The following SEM1 variants were observed in gnomAD, a reference collection of about 807,000 sequenced individuals.
SEM1 encodes SEM1 26S proteasome subunit, also known as 26S proteasome complex subunit SEM1.
Under a neutral mutation model 12.7 loss-of-function variants are expected in SEM1, and 3 were observed. The observed-to-expected ratio is 0.24, with a 90% CI of 0.11 to 0.61. The LOEUF (loss-of-function observed/expected upper bound fraction) is 0.61. Ranked by LOEUF, SEM1 falls within the 20% of genes least tolerant of loss-of-function variation. The probability of loss-of-function intolerance (pLI) is 0.88; values close to 1 mark genes in which losing one functional copy is unlikely to be tolerated. For synonymous variants in SEM1, 30 were observed against 27.8 expected, an observed-to-expected ratio of 1.08 and a Z score of -0.25; for missense variants, 59 against 81.3, an observed-to-expected ratio of 0.73 and a Z score of 1.06.
intron 1 of SEM1, among the ~76,000 whole-genome samples, chr7:96,489,330 T>TTAAG (rs1415688844): frequency 6.6e-6 from 1 of 152,128 alleles, no homozygotes; most frequent in Non-Finnish European, 1.5e-5. Flanking sequence ...GGAGTGCTTG[T>TTAAG]TAAGCTACGA....
upstream of SEM1, among the ~76,000 whole-genome samples, chr7:96,500,116 T>C (rs975046614): frequency 6.6e-6 from 1 of 152,102 alleles, no homozygotes; most frequent in Non-Finnish European, 1.5e-5. Flanking sequence ...CCTTTGCAAA[T>C]AGGAGTTTAA....
At chr7:96,525,664 T>C (rs1379338360) in intron 2 of SEM1, among the ~76,000 whole-genome samples, 1 of 151,848 alleles carries the variant, frequency 6.6e-6, no homozygotes, top group Non-Finnish European at 1.5e-5. Context: ...AAAGCAGGGG[T>C]CTCCACCCCT....
At chr7:96,550,073 A>G (rs779366288) in intron 2 of SEM1, among the ~76,000 whole-genome samples, 18 of 152,128 alleles carry the variant, frequency 1.2e-4, no homozygotes, top group African/African-American at 3.6e-4. Context: ...ATAAATGTCT[A>G]GGGTTTAAAT....
At chr7:96,571,386 T>C (rs745437805) in intron 2 of SEM1, among the ~76,000 whole-genome samples, 1 of 152,068 alleles carries the variant, frequency 6.6e-6, no homozygotes, top group Non-Finnish European at 1.5e-5. Flanking sequence ...TTGTATAATG[T>C]GTATGGAAGG....
chr7:96,628,888 G>A (rs774230094), intron 2 of SEM1, among the ~76,000 whole-genome samples: 46 of 152,080 alleles, frequency 3.0e-4, no homozygotes, highest in Admixed American at 5.9e-4. Context: ...TTTCCTTCAC[G>A]TTTGAAGAAT....
At chr7:96,552,764 C>T (rs554501685) in intron 2 of SEM1, among the ~76,000 whole-genome samples, 25 of 152,178 alleles carry the variant, frequency 1.6e-4, no homozygotes, top group African/African-American at 2.4e-4. Flanking sequence ...CCTGAGGAAT[C>T]GCCACACTGA....
At chr7:96,599,696 C>G (rs1807134306) in intron 2 of SEM1, among the ~76,000 whole-genome samples, 1 of 152,156 alleles carries the variant, frequency 6.6e-6, no homozygotes, top group South Asian at 2.1e-4. Context: ...CTAGCAGATT[C>G]CCTTCCTGCC....
At chr7:96,654,247 G>A (rs756205913) in intron 2 of SEM1, among the ~76,000 whole-genome samples, 1 of 152,192 alleles carries the variant, frequency 6.6e-6, no homozygotes, top group Non-Finnish European at 1.5e-5. Flanking sequence ...TCTACAACAT[G>A]AGAGTCCAGG....
chr7:96,600,782 T>C lies in SEM1; in HGVS notation c.170+94016A>G, dbSNP rs144682717. On this transcript the variant is annotated intron_variant and NMD_transcript_variant, in intron 2 of 3. Transcript: ENST00000466986. The stretch of plus-strand genomic sequence containing the variant: ...GTAGGCAAGTATTACAGTGGGCACA[T>C]TGCATTCTTCCTGGATGTCTCCCTC... 3.9e-3 allele frequency among the ~76,000 whole-genome samples: 592 copies of C among 152,292 alleles called. 3 individuals are homozygous for C. Among genetic ancestry groups the C allele is most frequent in the African/African-American group, 0.013 (559 of 41,568 alleles).
chr7:96,517,473 A>G (rs181774279), intron 2 of SEM1, among the ~76,000 whole-genome samples: 36 of 152,280 alleles, frequency 2.4e-4, no homozygotes, highest in Non-Finnish European at 5.9e-5. Flanking sequence ...CAACATATGT[A>G]TAGTTGAACT....
At chr7:96,524,508 TATAAATCA>T (rs1804386791) in intron 2 of SEM1, among the ~76,000 whole-genome samples, 1 of 152,090 alleles carries the variant, frequency 6.6e-6, no homozygotes, top group South Asian at 2.1e-4. Context: ...ATGCCACAGG[TATAAATCA>T]GTGCTGTCCA....
chr7:96,548,932 A>G (rs919790435), intron 2 of SEM1, among the ~76,000 whole-genome samples: 1 of 152,168 alleles, frequency 6.6e-6, no homozygotes, highest in Admixed American at 6.5e-5. Context: ...CTGGGGCAAG[A>G]GGTGAGGCAG....
Position 96,556,884 on chromosome 7 carries a change from T to G in SEM1, c.171-50186A>C, listed in dbSNP as rs565320715. ...GTCCCATATTTCTTGGAGGCTTTGCTCATTTCTTTTTATTCTTTTTTCTCT... is the reference window on the plus strand; with the variant it reads ...GTCCCATATTTCTTGGAGGCTTTGCGCATTTCTTTTTATTCTTTTTTCTCT... On this transcript the variant is annotated intron_variant and NMD_transcript_variant, in intron 2 of 3. Coordinates refer to the SEM1 transcript ENST00000466986. Among the ~76,000 whole-genome samples the G allele has an allele frequency of 2.6e-3, 360 of 136,730 alleles. 2 individuals carry two copies. Among genetic ancestry groups the G allele is most frequent in the Non-Finnish European group, 9.3e-4 (59 of 63,446 alleles). The allele number at this position is 136,730 out of a possible 152,430, so 89.7% of individuals were successfully genotyped here.
At chr7:96,580,940 G>C (rs1054790465) in intron 2 of SEM1, among the ~76,000 whole-genome samples, 15 of 152,040 alleles carry the variant, frequency 9.9e-5, no homozygotes, top group African/African-American at 3.6e-4. Flanking sequence ...TCTGATGGTA[G>C]TTTCTTTTGC....
chr7:96,568,458 T>G (rs10156156), intron 2 of SEM1, among the ~76,000 whole-genome samples: 1 of 151,750 alleles, frequency 6.6e-6, no homozygotes, highest in African/African-American at 2.4e-5. Flanking sequence ...TGTAGCTATT[T>G]AGGAATTTCA....
chr7:96,667,588 G>C (rs1197792406), intron 2 of SEM1, among the ~76,000 whole-genome samples: 1 of 152,026 alleles, frequency 6.6e-6, no homozygotes, highest in South Asian at 2.1e-4. Context: ...GAATGTCACC[G>C]CTGGAGGTTC....
intron 2 of SEM1, among the ~76,000 whole-genome samples, chr7:96,517,512 C>T (rs1053604242): frequency 7.2e-5 from 11 of 152,010 alleles, no homozygotes; most frequent in African/African-American, 1.9e-4. Context: ...CTTTATCTTT[C>T]GGGTTAGATA....
intron 2 of SEM1, among the ~76,000 whole-genome samples, chr7:96,509,522 T>C (rs1803865786): frequency 6.6e-6 from 1 of 152,142 alleles, no homozygotes; most frequent in East Asian, 1.9e-4. Context: ...CAGCTTGTGC[T>C]TCTCCAAATG....
rs527377009 is a variant in SEM1, at chr7:96,483,437, T to G, written c.*422A>C. 20 of 193,156 alleles carry G rather than the reference T, an allele frequency of 1.0e-4. No homozygotes were observed. In the South Asian group the frequency reaches 1.7e-3, roughly 17 times the overall value. The allele number at this position is 193,156 out of a possible 1,614,324, so 12.0% of individuals were successfully genotyped here. A position where few individuals can be genotyped will look rare whatever the true frequency, so the allele number is the denominator to read the frequency against. On this transcript the variant is annotated 3_prime_UTR_variant, in exon 4 of 4. Coordinates refer to the SEM1 transcript ENST00000356686. ...GTCAGGTTAGTCAATAATAGTCATA[T>G]TTGTTAGGATGGGTAAGGTTGTGCT...
Sources: gnomAD v4.1 joint callset for allele counts (sites outside exome capture counted in the v4.1 genomes callset) on GRCh38, gnomAD v4.1.1 for gene constraint, MANE v1.5 for transcripts, NCBI Gene and HGNC (gene_info 2026-07-23, HGNC 2026-07-21) for gene names.